ZBTB10: variants seen among roughly 807,000 people sequenced by gnomAD.
The protein encoded by ZBTB10 is zinc finger and BTB domain containing 10, also known as zinc finger and BTB domain-containing protein 10.
ZBTB10 carries 32 observed loss-of-function variants against 76.4 expected under a neutral mutation model. The ratio of observed to expected loss-of-function variants is 0.42; its 90% CI spans 0.32 to 0.56. ZBTB10 has a LOEUF of 0.56. Among genes scored for constraint, ZBTB10 ranks in the 20% least tolerant of loss-of-function variants. The pLI, the probability that ZBTB10 is intolerant of heterozygous loss-of-function variation, is 0.14. For synonymous variants in ZBTB10, 523 were observed against 432.9 expected (o/e 1.21, Z -2.58); for missense variants, 1,057 against 1,098.5 (o/e 0.96, Z 0.53).
chr8:80,504,648 G>C (rs1187969776), intron 2 of ZBTB10, among the ~76,000 whole-genome samples: 5 of 152,140 alleles, frequency 3.3e-5, no homozygotes, highest in Admixed American at 3.3e-4. Flanking sequence ...TGTCCTAAGA[G>C]AATATGCACA....
Position 80,524,627 on chromosome 8 carries a change from G to A in ZBTB10, c.*5099G>A, listed in dbSNP as rs1816514415. 1 of 152,024 alleles carries A rather than the reference G, an allele frequency of 6.6e-6. No homozygotes were observed. Among genetic ancestry groups the A allele is most frequent in the Admixed American group, 6.6e-5 (1 of 15,232 alleles). 9.4% of individuals were successfully genotyped at this position (152,024 alleles called of 1,614,324 possible). On this transcript the variant is annotated 3_prime_UTR_variant, in exon 6 of 6. Coordinates refer to ENST00000455036, the MANE Select transcript of ZBTB10 (RefSeq NM_001105539.3). ...TGACTTAGAAAAACAGGAGTTTGTT[G>A]ATTTTGTTTGGAGAAGGGCACAATA...
At position 80,518,434 on chromosome 8, in the gene ZBTB10, G is replaced by A. The variant is rs1409025989; in HGVS notation, c.1992G>A (p.Met664Ile). The A allele has an allele frequency of 1.9e-6, 3 of 1,551,976 alleles. No homozygotes were observed. Among genetic ancestry groups the A allele is most frequent in the Non-Finnish European group, 2.6e-6 (3 of 1,147,538 alleles). The change falls in exon 4 of 6, where the codon ATG (methionine) becomes ATA (isoleucine). Residue 664 changes from methionine to isoleucine, a missense_variant. Physicochemically the swap from Met to Ile is conservative, Grantham distance 10 (BLOSUM62 1). Coordinates refer to ENST00000455036, the MANE Select transcript of ZBTB10 (RefSeq NM_001105539.3). The part of the protein sequence containing the change: ...GTSHDFKYGL[M>I]PGPSNDFKYG... The stretch of plus-strand genomic sequence containing the variant: ...CACATGATTTCAAGTATGGTTTGAT[G>A]CCTGGTCCTTCAAATGATTTCAAGT...
rs1258296696 is a variant in ZBTB10, at chr8:80,487,029, G to A, written c.219G>A (p.Glu73=). The A allele has an allele frequency of 7.9e-6, 12 of 1,518,930 alleles. No homozygotes were observed. Among genetic ancestry groups the A allele is most frequent in the Middle Eastern group, 3.6e-4 (2 of 5,598 alleles). 94.1% of individuals were successfully genotyped at this position (1,518,930 alleles called of 1,614,324 possible). Residue 73 remains glutamate, a synonymous_variant, in exon 1 of 6, where the codon GAG becomes GAA. Transcript: ENST00000455036. ...ADEEVELEGL[E]PQDLEASAGP... ...AGGAAGTGGAATTGGAGGGCCTGGA[G>A]CCCCAAGACCTGGAGGCCTCCGCCG... is the stretch of plus-strand genomic sequence containing the variant.
rs1816551561 is a variant in ZBTB10 at position 80,525,910 on chromosome 8, C to T, written c.*6382C>T. Reference sequence around the variant, plus strand: ...CGTTTAGTTATTTTGTGTTGCCAAGCATATGATACGTGGTGTCACACTGAG... The same window carrying T: ...CGTTTAGTTATTTTGTGTTGCCAAGTATATGATACGTGGTGTCACACTGAG... On this transcript the variant is annotated 3_prime_UTR_variant, in exon 6 of 6. Transcript: ENST00000455036. The T allele has an allele frequency of 6.6e-6, 1 of 152,166 alleles. No individual in the cohort carries two copies. The highest frequency in any genetic ancestry group is 2.4e-5 in the African/African-American group (1 of 41,442). The allele number at this position is 152,166 out of a possible 1,614,324, so 9.4% of individuals were successfully genotyped here.
intron 2 of ZBTB10, among the ~76,000 whole-genome samples, chr8:80,510,438 A>G (rs1816158792): frequency 1.3e-5 from 2 of 152,238 alleles, no homozygotes; most frequent in Admixed American, 1.3e-4. Flanking sequence ...TCATTGATAA[A>G]AAGTTGAAAG....
At chr8:80,487,910 G>A (rs482951) in intron 1 of ZBTB10, 128 bp downstream of exon 1, 1 of 1,115,990 alleles carries the variant, frequency 9.0e-7, no homozygotes, top group Non-Finnish European at 1.2e-6. Flanking sequence ...CATCGTTCCA[G>A]TTGAGAGGTG....
intron 1 of ZBTB10, among the ~76,000 whole-genome samples, chr8:80,490,860 TATG>T (rs1815611719): frequency 6.6e-6 from 1 of 152,214 alleles, no homozygotes; most frequent in African/African-American, 2.4e-5. Flanking sequence ...GGACTGCATT[TATG>T]ATAATGGTCC....
At chr8:80,517,843 A>G (rs945492366) in intron 3 of ZBTB10, among the ~76,000 whole-genome samples, 10 of 92,538 alleles carry the variant, frequency 1.1e-4, no homozygotes, top group Admixed American at 7.9e-4. Flanking sequence ...ATTAAATGAT[A>G]TTCATGTTTT....
Position 80,513,932 on chromosome 8 carries a change from G to A in ZBTB10, c.1884G>A (p.Ser628=), listed in dbSNP as rs771009576. The part of the protein sequence containing the change: ...EEPDLDGALL[S]GPDGDRNVNA... ...CAGATTTAGATGGTGCTCTACTCTCGGGGCCAGATGGTGATAGGAATGTGA... is the reference window on the plus strand; with the variant it reads ...CAGATTTAGATGGTGCTCTACTCTCAGGGCCAGATGGTGATAGGAATGTGA... The change falls in exon 3 of 6, where the codon TCG becomes TCA. Residue 628 remains serine, a synonymous_variant. Coordinates refer to ENST00000455036, the MANE Select transcript of ZBTB10 (RefSeq NM_001105539.3). 1.7e-5 allele frequency: 27 copies of A among 1,613,226 alleles called. No individual in the cohort carries two copies. The highest frequency in any genetic ancestry group is 4.5e-5 in the East Asian group (2 of 44,862).
In ZBTB10 at chr8:80,486,635, G is replaced by C; in HGVS notation, c.-176G>C. On this transcript the variant is annotated 5_prime_UTR_variant, in exon 1 of 6. Transcript: ENST00000455036. The stretch of plus-strand genomic sequence containing the variant: ...GCAGCGGCAGCGGACGCGTGCAGCA[G>C]ACCCGGGAGCGAGCGCGAGCCGGGC... 1.0e-6 allele frequency: 1 copy of C among 988,244 alleles called. No individual in the cohort carries two copies. Among genetic ancestry groups the C allele is most frequent in the Non-Finnish European group, 1.2e-6 (1 of 832,042 alleles). The allele number at this position is 988,244 out of a possible 1,614,324, so 61.2% of individuals were successfully genotyped here.
At chr8:80,513,853 T>G in intron 2 of ZBTB10, 57 bp from the exon 3 acceptor site, 1 of 1,373,204 alleles carries the variant, frequency 7.3e-7, no homozygotes, top group Non-Finnish European at 1.0e-6. Context: ...AGAGTGGTGT[T>G]TTGGGTGGTG....
Position 80,522,939 on chromosome 8 carries a change from C to T in ZBTB10, c.*3411C>T, listed in dbSNP as rs1362369019. 2 of 151,510 alleles carry T rather than the reference C, an allele frequency of 1.3e-5. No homozygotes were observed. The highest frequency in any genetic ancestry group is 4.8e-5 in the African/African-American group (2 of 41,284). The allele number at this position is 151,510 out of a possible 1,614,324, so 9.4% of individuals were successfully genotyped here. On this transcript the variant is annotated 3_prime_UTR_variant, in exon 6 of 6. Coordinates refer to ENST00000455036, the MANE Select transcript of ZBTB10 (RefSeq NM_001105539.3). The stretch of plus-strand genomic sequence containing the variant: ...GGTTTAAAAATCTTAATTTTTAAAA[C>T]TTTAGTAAGCTTTATTTATATTTTT...
In ZBTB10 at chr8:80,518,865, T is replaced by TTA; in HGVS notation, c.2222_2223insAT (p.Leu742CysfsTer7). ...ATACAGACGAACACTAAAAAGGCAC[T>TTA]TGCTCATTCACACAGGAGTGAGATC... is the stretch of plus-strand genomic sequence containing the variant. On this transcript the variant is annotated frameshift_variant, in exon 5 of 6. Coordinates refer to ENST00000455036, the MANE Select transcript of ZBTB10 (RefSeq NM_001105539.3). LOFTEE classifies it high-confidence loss of function. 6.2e-7 allele frequency: 1 copy of TTA among 1,612,346 alleles called. No homozygotes were observed. The highest frequency in any genetic ancestry group is 8.5e-7 in the Non-Finnish European group (1 of 1,179,146).
chr8:80,515,810 G>A (rs1177598533), intron 3 of ZBTB10, among the ~76,000 whole-genome samples: 1 of 152,106 alleles, frequency 6.6e-6, no homozygotes, highest in African/African-American at 2.4e-5. Flanking sequence ...GTACCCAGAA[G>A]GATATTATTG....
At chr8:80,504,366 A>G (rs1480632070) in intron 2 of ZBTB10, among the ~76,000 whole-genome samples, 2 of 152,190 alleles carry the variant, frequency 1.3e-5, no homozygotes, top group African/African-American at 4.8e-5. Context: ...GTCTTCCCTC[A>G]GGTCTTCAGC....
At chr8:80,493,555 GC>G (rs1815700443) in intron 1 of ZBTB10, among the ~76,000 whole-genome samples, 2 of 152,008 alleles carry the variant, frequency 1.3e-5, no homozygotes, top group Admixed American at 1.3e-4. Flanking sequence ...GGTGGCTCAG[GC>G]CTGTAATCCC....
chr8:80,500,094 G>A lies in ZBTB10; in HGVS notation c.1573G>A (p.Glu525Lys), dbSNP rs760049794. ...KIENDGCNVD[E>K]GQIENYQMND... ...TGAAAATGATGGTTGTAATGTCGACGAGGGCCAAATAGAAAACTACCAAAT... is the reference window on the plus strand; with the variant it reads ...TGAAAATGATGGTTGTAATGTCGACAAGGGCCAAATAGAAAACTACCAAAT... Residue 525 changes from glutamate to lysine, a missense_variant, in exon 2 of 6, where the codon GAG becomes AAG. By Grantham distance (56) the Glu-to-Lys change is moderately conservative. This residue lies in a region of ZBTB10 where 306 missense variants were observed against 297.5 expected (regional missense o/e 1.03). Coordinates refer to ENST00000455036, the MANE Select transcript of ZBTB10 (RefSeq NM_001105539.3). The A allele has an allele frequency of 6.8e-6, 11 of 1,613,958 alleles. No homozygotes were observed. The highest frequency in any genetic ancestry group is 4.5e-5 in the East Asian group (2 of 44,888).
chr8:80,524,578 C>G lies in ZBTB10; in HGVS notation c.*5050C>G, dbSNP rs765102856. 3 of 151,994 alleles carry G rather than the reference C, an allele frequency of 2.0e-5. No individual in the cohort carries two copies. The highest frequency in any genetic ancestry group is 4.8e-5 in the African/African-American group (2 of 41,420). The allele number at this position is 151,994 out of a possible 1,614,324, so 9.4% of individuals were successfully genotyped here. On this transcript the variant is annotated 3_prime_UTR_variant, in exon 6 of 6. Transcript: ENST00000455036. ...AAGTTAGTAATAGAGCAAAGGAAAT[C>G]AGAACTGGCCAGATATTCAGACTTG... is the stretch of plus-strand genomic sequence containing the variant.
rs1053586552 is a variant in ZBTB10 at position 80,486,769 on chromosome 8, C to T, written c.-42C>T. 2.5e-5 allele frequency: 33 copies of T among 1,328,240 alleles called. No individual in the cohort carries two copies. The African/African-American group carries it at 4.1e-4, about 17-fold the overall frequency. The allele number at this position is 1,328,240 out of a possible 1,614,324, so 82.3% of individuals were successfully genotyped here. On this transcript the variant is annotated 5_prime_UTR_variant, in exon 1 of 6. Transcript: ENST00000455036. ...GCGCGGGACGCGGCCCGAGGCCGTG[C>T]GCGAGCCGGGGCACCGGGCGGCGGC...
Sources: allele counts gnomAD v4.1 joint callset (sites outside exome capture counted in the v4.1 genomes callset), GRCh38; gene constraint gnomAD v4.1.1; regional missense constraint gnomAD v4.1.1; transcripts MANE v1.5; gene names NCBI Gene and HGNC (gene_info 2026-07-23, HGNC 2026-07-21).